Variants in TTC17 observed in about 807,000 individuals in gnomAD.
TTC17 encodes tetratricopeptide repeat protein 17.
Under a neutral mutation model 143.8 loss-of-function variants are expected in TTC17, and 58 were observed. The observed-to-expected ratio is 0.40, with a 90% CI of 0.33 to 0.50. The LOEUF is 0.50. Among genes scored for constraint, TTC17 ranks in the 20% least tolerant of loss-of-function variants. The pLI, the probability that TTC17 is intolerant of heterozygous loss-of-function variation, is 0.49. For synonymous variants in TTC17, 501 were observed against 497.8 expected, an observed-to-expected ratio of 1.01 and a Z score of -0.09; for missense variants, 1,273 against 1,392.5, an observed-to-expected ratio of 0.91 and a Z score of 1.37.
At chr11:43,429,901 T>C (rs1183200782) in intron 16 of TTC17, among the ~76,000 whole-genome samples, 1 of 152,212 alleles carries the variant, frequency 6.6e-6, no homozygotes, top group Non-Finnish European at 1.5e-5. Flanking sequence ...TAGAGTATAA[T>C]ATAAGCCTGT....
rs1431300708 is a variant in TTC17 at position 43,405,494 on chromosome 11, A to G, written c.1480-20A>G. 5.7e-6 allele frequency: 9 copies of G among 1,584,684 alleles called. No individual in the cohort carries two copies. Among genetic ancestry groups the G allele is most frequent in the Admixed American group, 3.4e-5 (2 of 57,982 alleles). The stretch of plus-strand genomic sequence containing the variant: ...TATTGAATCCAAAGAAATTTATGAG[A>G]AATTTTGTTTCTTTATCAGGACAAA... On this transcript the variant is annotated intron_variant, in intron 11 of 23. Transcript: ENST00000039989.
chr11:43,467,912 A>T (rs1290235467), intron 21 of TTC17, among the ~76,000 whole-genome samples: 1 of 152,028 alleles, frequency 6.6e-6, no homozygotes, highest in East Asian at 1.9e-4. Context: ...ATCCCAGGAG[A>T]AGAGGAGAGA....
chr11:43,475,810 A>G (rs555402766), intron 21 of TTC17, among the ~76,000 whole-genome samples: 84 of 152,174 alleles, frequency 5.5e-4, no homozygotes, highest in Non-Finnish European at 1.0e-3. Flanking sequence ...TACTATTTTC[A>G]ATAATGTTGT....
chr11:43,424,372 G>C (rs1327289512), intron 16 of TTC17, among the ~76,000 whole-genome samples: 1 of 151,848 alleles, frequency 6.6e-6, no homozygotes, highest in Non-Finnish European at 1.5e-5. Flanking sequence ...GGGATTATAG[G>C]TGTGAGCCAC....
chr11:43,367,638 T>A (rs766025681), intron 1 of TTC17, among the ~76,000 whole-genome samples: 3 of 152,058 alleles, frequency 2.0e-5, no homozygotes, highest in Non-Finnish European at 4.4e-5. Context: ...TCCAAAATGT[T>A]AAGGAGCAGG....
Position 43,391,465 on chromosome 11 carries a change from T to G in TTC17, c.420T>G (p.Ser140Arg). 5.2e-6 allele frequency: 8 copies of G among 1,551,646 alleles called. No individual in the cohort carries two copies. Among genetic ancestry groups the G allele is most frequent in the Non-Finnish European group, 7.0e-6 (8 of 1,134,784 alleles). The change falls in exon 4 of 24, where the codon AGT (serine) becomes AGG (arginine). Residue 140 changes from serine to arginine, a missense_variant and splice_region_variant. Coordinates refer to ENST00000039989, the MANE Select transcript of TTC17 (RefSeq NM_018259.6). Reference sequence around the variant, plus strand: ...ATTCATTGCTTCTTTTTGATTTTAGTCCTGAAGATTATATAGACACAGAAT... The same window carrying G: ...ATTCATTGCTTCTTTTTGATTTTAGGCCTGAAGATTATATAGACACAGAAT... ...TYITLESKDI[S>R]PEDYIDTESP...
At chr11:43,472,841 TAA>T (rs140936007) in intron 21 of TTC17, among the ~76,000 whole-genome samples, 41 of 114,958 alleles carry the variant, frequency 3.6e-4, no homozygotes, top group Admixed American at 3.6e-4. Flanking sequence ...GGAATTAAGC[TAA>T]AAAAAAAAAA....
chr11:43,466,108 T>A (rs1947966860), intron 21 of TTC17, among the ~76,000 whole-genome samples: 1 of 152,010 alleles, frequency 6.6e-6, no homozygotes, highest in African/African-American at 2.4e-5. Context: ...AATTAAAAAA[T>A]ATACAAAGGA....
chr11:43,423,595 T>G (rs1224805427), intron 16 of TTC17, among the ~76,000 whole-genome samples: 1 of 152,222 alleles, frequency 6.6e-6, no homozygotes, highest in African/African-American at 2.4e-5. Context: ...TTTTAGTTGG[T>G]ATTTTAATTT....
intron 1 of TTC17, among the ~76,000 whole-genome samples, chr11:43,370,690 GA>G (rs2134451612): frequency 6.6e-6 from 1 of 151,928 alleles, no homozygotes; most frequent in East Asian, 1.9e-4. Flanking sequence ...GAAAAAGTTA[GA>G]AAACACAAAC....
In TTC17 at chr11:43,443,559, G is replaced by A; in HGVS notation, c.2486G>A (p.Ser829Asn). Residue 829 changes from serine (S) to asparagine (N), a missense_variant, in exon 17 of 24, where the codon AGT (serine) becomes AAT (asparagine). This residue lies in a region of TTC17 where 878 missense variants were observed against 899.8 expected (regional missense o/e 0.98). Coordinates refer to ENST00000039989, the MANE Select transcript of TTC17 (RefSeq NM_018259.6). ...AGCTCTTGCTATGGAGACTGCAGAAGTGAAGATGATGAAGCAACAGAATGG... is the reference window on the plus strand; with the variant it reads ...AGCTCTTGCTATGGAGACTGCAGAAATGAAGATGATGAAGCAACAGAATGG... ...ARSSCYGDCR[S>N]EDDEATEWIT... is the part of the protein sequence containing the mutation. 1 of 1,612,680 alleles carries A rather than the reference G, an allele frequency of 6.2e-7. No individual in the cohort carries two copies. The highest frequency in any genetic ancestry group is 1.1e-5 in the South Asian group (1 of 90,914).
At chr11:43,417,205 TA>T (rs1449914267) in intron 16 of TTC17, among the ~76,000 whole-genome samples, 1 of 152,172 alleles carries the variant, frequency 6.6e-6, no homozygotes, top group Non-Finnish European at 1.5e-5. Context: ...CAAACACCTT[TA>T]TAGAAACCAG....
At chr11:43,362,656 G>A (rs1244665627) in intron 1 of TTC17, among the ~76,000 whole-genome samples, 2 of 152,118 alleles carry the variant, frequency 1.3e-5, no homozygotes, top group Admixed American at 6.5e-5. Flanking sequence ...TATTGCCCAG[G>A]CTGAAGTGCA....
chr11:43,484,052 G>A (rs1034658019), intron 21 of TTC17, among the ~76,000 whole-genome samples: 1 of 152,174 alleles, frequency 6.6e-6, no homozygotes. Flanking sequence ...TGAGGCAGAA[G>A]AATCACTTGA....
In TTC17 at chr11:43,384,863, T is replaced by C. The variant is rs79384328; in HGVS notation, c.250-4789T>C. ...GCCATGTGAATTTTAATGCAAAAAATTTTTTTAAAGCTTTAGGTTTTCAGA... is the reference window on the plus strand; with the variant it reads ...GCCATGTGAATTTTAATGCAAAAAACTTTTTTAAAGCTTTAGGTTTTCAGA... On this transcript the variant is annotated intron_variant, in intron 2 of 23. Transcript: ENST00000039989. Among the ~76,000 whole-genome samples the C allele has an allele frequency of 3.6e-3, 544 of 152,244 alleles. 6 individuals carry two copies. Among genetic ancestry groups the C allele is most frequent in the African/African-American group, 0.012 (504 of 41,544 alleles).
rs569404972 is a variant in TTC17, at chr11:43,445,649, G to A, written c.2665+1440G>A. On this transcript the variant is annotated intron_variant, in intron 18 of 23. Coordinates refer to ENST00000039989, the MANE Select transcript of TTC17 (RefSeq NM_018259.6). The stretch of plus-strand genomic sequence containing the variant: ...CCCAAGTAGGGCATTGAATGTACTT[G>A]CAAATGAGATTATGGAACTACTTAT... Among the ~76,000 whole-genome samples, 11 of 152,322 alleles carry A rather than the reference G, an allele frequency of 7.2e-5. No homozygotes were observed. In the Middle Eastern group the frequency reaches 0.01, roughly 141 times the overall value.
intron 20 of TTC17, among the ~76,000 whole-genome samples, chr11:43,450,525 A>G (rs1050616410): frequency 6.6e-6 from 1 of 152,186 alleles, no homozygotes; most frequent in Non-Finnish European, 1.5e-5. Context: ...AGAAAAATGT[A>G]TGGGGCAGTT....
intron 9 of TTC17, among the ~76,000 whole-genome samples, chr11:43,400,784 G>T (rs962274496): frequency 1.3e-5 from 2 of 152,144 alleles, no homozygotes; most frequent in Non-Finnish European, 2.9e-5. Flanking sequence ...AGGAACTTGG[G>T]TTGGCATGAG....
At chr11:43,478,386 T>C (rs568894517) in intron 21 of TTC17, among the ~76,000 whole-genome samples, 11 of 152,316 alleles carry the variant, frequency 7.2e-5, no homozygotes, top group Admixed American at 2.0e-4. Flanking sequence ...AAGAATCATT[T>C]TCACTTCTTT....
Sources: gnomAD v4.1 joint callset for allele counts (sites outside exome capture counted in the v4.1 genomes callset) on GRCh38, gnomAD v4.1.1 for gene constraint, gnomAD v4.1.1 regional missense constraint, MANE v1.5 for transcripts, NCBI Gene and HGNC (gene_info 2026-07-23, HGNC 2026-07-21) for gene names.